Variants in NFXL1 observed in about 807,000 individuals in gnomAD.
The protein encoded by NFXL1 is NF-X1-type zinc finger protein NFXL1.
In NFXL1, 66 loss-of-function variants were observed where a neutral mutation model predicts 123.3. The observed-to-expected ratio is 0.54, with a 90% CI of 0.44 to 0.66. NFXL1 has a LOEUF of 0.66. NFXL1 is among the 30% of genes least tolerant of loss of function. The pLI, the probability that NFXL1 is intolerant of heterozygous loss-of-function variation, is 0.00. For missense variants in NFXL1, 944 were observed against 1,125.6 expected (o/e 0.84, Z 2.31); for synonymous variants, 346 against 360.8 (o/e 0.96, Z 0.46).
rs753060552 is a variant in NFXL1 at position 47,914,481 on chromosome 4, C to A, written c.-119G>T. The A allele has an allele frequency of 5.9e-5, 22 of 370,468 alleles. No homozygotes were observed. Among genetic ancestry groups the A allele is most frequent in the Non-Finnish European group, 9.2e-5 (19 of 205,730 alleles). 22.9% of individuals were successfully genotyped at this position (370,468 alleles called of 1,614,324 possible). On this transcript the variant is annotated 5_prime_UTR_variant, in exon 1 of 23. Transcript: ENST00000507489. ...GCACACAGTGCCGAAGACAGAAAGC[C>A]GGAGGAGAAGTCGAAACCGCCTCCT...
At chr4:47,858,400 T>A (rs1424859940) in intron 19 of NFXL1, among the ~76,000 whole-genome samples, 1 of 152,212 alleles carries the variant, frequency 6.6e-6, no homozygotes, top group Non-Finnish European at 1.5e-5. Flanking sequence ...ATTACACTAC[T>A]GCATGCCTAC....
At chr4:47,871,424 TTATG>T (rs1735426069) in intron 18 of NFXL1, among the ~76,000 whole-genome samples, 1 of 152,124 alleles carries the variant, frequency 6.6e-6, no homozygotes, top group Non-Finnish European at 1.5e-5. Flanking sequence ...CTAGAATACT[TTATG>T]TAGTATCACT....
At chr4:47,883,971 C>T (rs1736272279) in intron 15 of NFXL1, among the ~76,000 whole-genome samples, 1 of 152,188 alleles carries the variant, frequency 6.6e-6, no homozygotes, top group African/African-American at 2.4e-5. Context: ...CCCAAGTTTG[C>T]CTTATCTAAA....
At chr4:47,892,460 T>C (rs1021197893) in intron 11 of NFXL1, among the ~76,000 whole-genome samples, 1 of 152,094 alleles carries the variant, frequency 6.6e-6, no homozygotes, top group African/African-American at 2.4e-5. Flanking sequence ...TGTATGTGTG[T>C]GAGAGGAAAC....
chr4:47,910,152 G>C (rs1013574835), intron 3 of NFXL1, among the ~76,000 whole-genome samples: 1 of 152,058 alleles, frequency 6.6e-6, no homozygotes, highest in Non-Finnish European at 1.5e-5. Flanking sequence ...TAACACGAAT[G>C]TACATGTCAA....
In NFXL1 at chr4:47,890,721, T is replaced by C. The variant is rs1380728241; in HGVS notation, c.1453-18A>G. 1.4e-6 allele frequency: 2 copies of C among 1,456,292 alleles called. No individual in the cohort carries two copies. The highest frequency in any genetic ancestry group is 1.4e-5 in the African/African-American group (1 of 71,774). The allele number at this position is 1,456,292 out of a possible 1,614,324, so 90.2% of individuals were successfully genotyped here. On this transcript the variant is annotated intron_variant, in intron 11 of 22. Transcript: ENST00000507489. ...GGGCAACACTGAAGAGAAAGCAATA[T>C]ATAAAGAACAGGTAATTCAAAAACC... is the stretch of plus-strand genomic sequence containing the variant.
chr4:47,902,011 A>C (rs1578038716), intron 5 of NFXL1, among the ~76,000 whole-genome samples: 2 of 152,108 alleles, frequency 1.3e-5, no homozygotes, highest in East Asian at 3.9e-4. Context: ...GTGAAACCCC[A>C]TCTCTACTAA....
chr4:47,850,719 G>T (rs759022199), intron 22 of NFXL1, among the ~76,000 whole-genome samples: 10 of 152,030 alleles, frequency 6.6e-5, no homozygotes, highest in Non-Finnish European at 1.3e-4. Context: ...CAGTAAAATA[G>T]AACTCAAATA....
At chr4:47,862,463 G>A (rs1488249394) in intron 19 of NFXL1, among the ~76,000 whole-genome samples, 1 of 152,094 alleles carries the variant, frequency 6.6e-6, no homozygotes, top group East Asian at 1.9e-4. Context: ...ACATGCACAT[G>A]CATACACACA....
At chr4:47,904,142 A>G (rs1403040643) in intron 4 of NFXL1, among the ~76,000 whole-genome samples, 1 of 152,188 alleles carries the variant, frequency 6.6e-6, no homozygotes, top group African/African-American at 2.4e-5. Flanking sequence ...AGAAATAACC[A>G]ATGAATGGCA....
At chr4:47,911,481 C>A (rs904747580) in intron 2 of NFXL1, among the ~76,000 whole-genome samples, 1 of 152,184 alleles carries the variant, frequency 6.6e-6, no homozygotes, top group Non-Finnish European at 1.5e-5. Context: ...CCAGTCCAGT[C>A]CAGCCCTACC....
At chr4:47,858,237 G>A (rs767236612) in intron 19 of NFXL1, among the ~76,000 whole-genome samples, 3 of 152,182 alleles carry the variant, frequency 2.0e-5, no homozygotes, top group Admixed American at 6.6e-5. Flanking sequence ...GCAGGGATGC[G>A]AAAGAGGAAG....
chr4:47,912,873 C>A (rs898210716), intron 2 of NFXL1, among the ~76,000 whole-genome samples: 1 of 149,322 alleles, frequency 6.7e-6, no homozygotes, highest in Non-Finnish European at 1.5e-5. Context: ...ATTAGCCAGG[C>A]GTGGTGGCAG....
At chr4:47,898,643 G>T in intron 8 of NFXL1, 114 bp downstream of exon 8, 2 of 674,630 alleles carry the variant, frequency 3.0e-6, no homozygotes, top group South Asian at 1.8e-5. Flanking sequence ...CATCTGAGTT[G>T]CTATTCTTCC....
At chr4:47,862,511 ACTGT>A (rs1295618321) in intron 19 of NFXL1, among the ~76,000 whole-genome samples, 3 of 152,222 alleles carry the variant, frequency 2.0e-5, no homozygotes, top group Non-Finnish European at 4.4e-5. Flanking sequence ...TTATGGATTT[ACTGT>A]CTAACTGCTA....
rs180968563 is a variant in NFXL1, at chr4:47,871,338, G to A, written c.2246+3789C>T. 8.0e-5 allele frequency among the ~76,000 whole-genome samples: 11 copies of A among 138,362 alleles called. No homozygotes were observed. The East Asian group carries it at 1.0e-3, about 13-fold the overall frequency. The allele number at this position is 138,362 out of a possible 152,430, so 90.8% of individuals were successfully genotyped here. ...TGCACTCCAGCCTGGGTGACAGAGC[G>A]AGACTCCGTCTCAAAAAAAAAAAAA... On this transcript the variant is annotated intron_variant, in intron 18 of 22. Coordinates refer to ENST00000507489, the MANE Select transcript of NFXL1 (RefSeq NM_001278624.2).
chr4:47,888,017 T>C (rs753548984), intron 12 of NFXL1, among the ~76,000 whole-genome samples: 6 of 150,978 alleles, frequency 4.0e-5, no homozygotes, highest in African/African-American at 1.5e-4. Context: ...GGCTCATGCC[T>C]GTAATCCCAG....
At chr4:47,887,101 A>C (rs1208405935) in intron 12 of NFXL1, among the ~76,000 whole-genome samples, 1 of 152,238 alleles carries the variant, frequency 6.6e-6, no homozygotes, top group East Asian at 1.9e-4. Flanking sequence ...AATATAAAAA[A>C]ACAAAATCAA....
intron 9 of NFXL1, among the ~76,000 whole-genome samples, chr4:47,896,995 AC>A (rs1330405331): frequency 3.3e-5 from 5 of 152,142 alleles, no homozygotes; most frequent in African/African-American, 1.2e-4. Context: ...GCTCTGAACT[AC>A]CCCACAAAGA....
Sources: allele counts gnomAD v4.1 joint callset (sites outside exome capture counted in the v4.1 genomes callset), GRCh38; gene constraint gnomAD v4.1.1; transcripts MANE v1.5; gene names NCBI Gene and HGNC (gene_info 2026-07-23, HGNC 2026-07-21).